The following TNKS variants were observed in gnomAD, a reference collection of about 807,000 sequenced individuals.
The protein encoded by TNKS is tankyrase.
In TNKS, 72 loss-of-function variants were observed where a neutral mutation model predicts 135.8. The observed-to-expected ratio is 0.53, with a 90% CI of 0.44 to 0.64. The LOEUF is 0.64. Ranked by LOEUF, TNKS falls within the 30% of genes least tolerant of loss-of-function variation. The probability of loss-of-function intolerance (pLI) is 0.00; values close to 1 mark genes in which losing one functional copy is unlikely to be tolerated. For missense variants in TNKS, 1,769 were observed against 1,674.0 expected (o/e 1.06, Z -0.99); for synonymous variants, 849 against 649.3 (o/e 1.31, Z -4.68).
chr8:9,699,212 C>A (rs1803675599), intron 5 of TNKS, among the ~76,000 whole-genome samples: 1 of 152,176 alleles, frequency 6.6e-6, no homozygotes, highest in African/African-American at 2.4e-5. Flanking sequence ...TTATCTAAAA[C>A]AAATGATACT....
At chr8:9,757,435 C>G (rs984172451) in intron 20 of TNKS, among the ~76,000 whole-genome samples, 2 of 152,180 alleles carry the variant, frequency 1.3e-5, no homozygotes, top group African/African-American at 4.8e-5. Flanking sequence ...ACTCTGTATT[C>G]TTTTAACTGA....
chr8:9,577,629 C>T (rs1052313834), intron 1 of TNKS, among the ~76,000 whole-genome samples: 3 of 152,182 alleles, frequency 2.0e-5, no homozygotes, highest in African/African-American at 7.2e-5. Flanking sequence ...AGAGGGAAAT[C>T]TGCCTCCATG....
In TNKS at chr8:9,556,190, T is replaced by C; in HGVS notation, c.251T>C (p.Val84Ala). Residue 84 changes from valine (V) to alanine (A), a missense_variant, in exon 1 of 27, where the codon GTT becomes GCT. Around this residue, in one of 5 missense-constraint regions of TNKS, gnomAD observed 450 missense variants for 304.9 expected, o/e 1.48. Transcript: ENST00000310430. ...PPDRPRSPDP[V>A]DGTSCCSTTS... ...GACAGGCCCCGATCCCCGGACCCGG[T>C]TGACGGTACCAGCTGTTGCAGTACC... is the stretch of plus-strand genomic sequence containing the variant. 6.2e-7 allele frequency: 1 copy of C among 1,613,492 alleles called. No homozygotes were observed. The highest frequency in any genetic ancestry group is 8.5e-7 in the Non-Finnish European group (1 of 1,179,582).
chr8:9,557,020 T>G (rs764844165), intron 1 of TNKS: 1 of 280,352 alleles, frequency 3.6e-6, no homozygotes, highest in Non-Finnish European at 6.7e-6. Context: ...CCAAAAGAGG[T>G]TTAATACAAC....
At chr8:9,713,530 C>T (rs1258956105) in intron 11 of TNKS, among the ~76,000 whole-genome samples, 3 of 152,116 alleles carry the variant, frequency 2.0e-5, no homozygotes, top group South Asian at 2.1e-4. Flanking sequence ...TCAGTAACAT[C>T]TTAGTTCATT....
chr8:9,756,890 C>G (rs1490627648), intron 20 of TNKS, among the ~76,000 whole-genome samples: 1 of 152,160 alleles, frequency 6.6e-6, no homozygotes, highest in Non-Finnish European at 1.5e-5. Context: ...CAGTCTCATC[C>G]TCCTAAAATA....
chr8:9,684,780 C>T (rs983771417), intron 5 of TNKS, among the ~76,000 whole-genome samples: 1 of 152,044 alleles, frequency 6.6e-6, no homozygotes, highest in Non-Finnish European at 1.5e-5. Flanking sequence ...GGTCACTGTG[C>T]TTAGTGTCAT....
At chr8:9,584,726 C>T (rs1288837832) in intron 2 of TNKS, among the ~76,000 whole-genome samples, 1 of 152,208 alleles carries the variant, frequency 6.6e-6, no homozygotes, top group Non-Finnish European at 1.5e-5. Context: ...ACTGCCCTCA[C>T]ACAGTTTACA....
chr8:9,650,854 C>T (rs1462825377), intron 3 of TNKS, among the ~76,000 whole-genome samples: 1 of 152,058 alleles, frequency 6.6e-6, no homozygotes, highest in African/African-American at 2.4e-5. Context: ...GTTTTAGTTG[C>T]ATTTGCTTTT....
rs530391622 is a variant in TNKS at position 9,782,238 on chromosome 8, A to G, written c.*5502A>G. The G allele has an allele frequency of 6.5e-6, 1 of 152,768 alleles. No homozygotes were observed. Among genetic ancestry groups the G allele is most frequent in the East Asian group, 1.9e-4 (1 of 5,182 alleles). 9.5% of individuals were successfully genotyped at this position (152,768 alleles called of 1,614,324 possible). On this transcript the variant is annotated 3_prime_UTR_variant, in exon 27 of 27. Coordinates refer to ENST00000310430, the MANE Select transcript of TNKS (RefSeq NM_003747.3). ...TAACCTGCCTGCCTGGTGGGTTTCT[A>G]TTTAAGACATCTTTGTGATTATATT... is the stretch of plus-strand genomic sequence containing the variant.
chr8:9,668,264 TC>T (rs1196595060), intron 3 of TNKS, among the ~76,000 whole-genome samples: 1 of 152,210 alleles, frequency 6.6e-6, no homozygotes, highest in African/African-American at 2.4e-5. Flanking sequence ...AAGATTTAGA[TC>T]AGAGAAATGA....
chr8:9,672,637 A>G (rs1022609191), intron 3 of TNKS, among the ~76,000 whole-genome samples: 8 of 144,366 alleles, frequency 5.5e-5, no homozygotes, highest in Non-Finnish European at 1.2e-4. Flanking sequence ...CTTTTTATGC[A>G]GCAGACACTG....
Position 9,779,091 on chromosome 8 carries a change from T to G in TNKS, c.*2355T>G, listed in dbSNP as rs1003037103. 9 of 152,590 alleles carry G rather than the reference T, an allele frequency of 5.9e-5. No individual in the cohort carries two copies. Among genetic ancestry groups the G allele is most frequent in the African/African-American group, 2.2e-4 (9 of 41,440 alleles). The allele number at this position is 152,590 out of a possible 1,614,324, so 9.5% of individuals were successfully genotyped here. ...GCGGTGCTTCTTGTCCTATAATGAT[T>G]CAAGTATATAGTAGTTCTTGAAAGA... On this transcript the variant is annotated 3_prime_UTR_variant, in exon 27 of 27. Coordinates refer to ENST00000310430, the MANE Select transcript of TNKS (RefSeq NM_003747.3).
chr8:9,720,392 C>G lies in TNKS; in HGVS notation c.1768C>G (p.Leu590Val), dbSNP rs1053614829. 2.5e-6 allele frequency: 4 copies of G among 1,611,972 alleles called. No individual in the cohort carries two copies. The highest frequency in any genetic ancestry group is 2.2e-5 in the South Asian group (2 of 90,730). Residue 590 changes from leucine to valine, a missense_variant, in exon 12 of 27, where the codon CTT becomes GTT. This residue lies in a region of TNKS where 523 missense variants were observed against 541.0 expected (regional missense o/e 0.97). Transcript: ENST00000310430. ...TTTTCAGATGAATGCACTGGACACC[C>G]TTGGTCAGACTGCTTTGCATAGAGC... ...HGAKMNALDTLGQTALHRAAL... is the reference protein window; with the variant it reads ...HGAKMNALDTVGQTALHRAAL...
In TNKS at chr8:9,777,235, G is replaced by C. The variant is rs1359354638; in HGVS notation, c.*499G>C. On this transcript the variant is annotated 3_prime_UTR_variant, in exon 27 of 27. Transcript: ENST00000310430. ...TTTGGGTTACTTTGAAAATGAGCCA[G>C]AGCCTTCTTGAGGATATTTTGCACA... is the stretch of plus-strand genomic sequence containing the variant. The C allele has an allele frequency of 1.3e-5, 2 of 156,188 alleles. No homozygotes were observed. Among genetic ancestry groups the C allele is most frequent in the African/African-American group, 4.8e-5 (2 of 41,428 alleles). 9.7% of individuals were successfully genotyped at this position (156,188 alleles called of 1,614,324 possible).
intron 1 of TNKS, among the ~76,000 whole-genome samples, chr8:9,579,244 G>T (rs1798073216): frequency 6.6e-6 from 1 of 152,116 alleles, no homozygotes; most frequent in South Asian, 2.1e-4. Context: ...GTGAATCCAA[G>T]CTTGAATTGT....
At chr8:9,747,767 T>A (rs528122059) in intron 17 of TNKS, among the ~76,000 whole-genome samples, 1 of 152,274 alleles carries the variant, frequency 6.6e-6, no homozygotes, top group East Asian at 1.9e-4. Flanking sequence ...GAGGGATGCA[T>A]TTTTTGAAAA....
intron 3 of TNKS, among the ~76,000 whole-genome samples, chr8:9,633,906 G>C (rs879566980): frequency 6.6e-6 from 1 of 152,066 alleles, no homozygotes; most frequent in Non-Finnish European, 1.5e-5. Flanking sequence ...CAGCAACCTT[G>C]TTGGAAATGC....
At position 9,777,023 on chromosome 8, in the gene TNKS, A is replaced by T. The variant is rs1361475196; in HGVS notation, c.*287A>T. 2.7e-6 allele frequency: 1 copy of T among 370,762 alleles called. No individual in the cohort carries two copies. Among genetic ancestry groups the T allele is most frequent in the Non-Finnish European group, 4.9e-6 (1 of 203,048 alleles). The allele number at this position is 370,762 out of a possible 1,614,324, so 23.0% of individuals were successfully genotyped here. A position where few individuals can be genotyped will look rare whatever the true frequency, so the allele number is the denominator to read the frequency against. On this transcript the variant is annotated 3_prime_UTR_variant, in exon 27 of 27. Transcript: ENST00000310430. ...CTAAAACAAGATTGCTTCGATCTAG[A>T]CTTGGAAATGGAAAATAAGAAAACC...
Sources: allele counts gnomAD v4.1 joint callset (sites outside exome capture counted in the v4.1 genomes callset), GRCh38; gene constraint gnomAD v4.1.1; regional missense constraint gnomAD v4.1.1; transcripts MANE v1.5; gene names NCBI Gene and HGNC (gene_info 2026-07-23, HGNC 2026-07-21).